The following MXD1 variants were observed in gnomAD, a reference collection of about 807,000 sequenced individuals.
The protein encoded by MXD1 is MAX dimerization protein 1.
MXD1 carries 9 observed loss-of-function variants against 25.7 expected under a neutral mutation model. That is an observed-to-expected ratio of 0.35 (90% CI 0.21 to 0.61). The LOEUF is 0.61. MXD1 is among the 20% of genes least tolerant of loss of function. The probability of loss-of-function intolerance (pLI) is 0.75; values close to 1 mark genes in which losing one functional copy is unlikely to be tolerated. For synonymous variants in MXD1, 99 were observed against 113.9 expected (o/e 0.87, Z 0.83); for missense variants, 227 against 292.4 (o/e 0.78, Z 1.63).
rs1346393806 is a variant in MXD1 at position 69,938,907 on chromosome 2, T to TA, written c.*624dup. On this transcript the variant is annotated 3_prime_UTR_variant, in exon 6 of 6. Transcript: ENST00000264444. The stretch of plus-strand genomic sequence containing the variant: ...TCTCACTTTAAAATGGACACCTTGA[T>TA]AGTGTGTCTCTGGGGTTGCACAGCT... 4 of 152,796 alleles carry TA rather than the reference T, an allele frequency of 2.6e-5. No individual in the cohort carries two copies. The highest frequency in any genetic ancestry group is 9.6e-5 in the African/African-American group (4 of 41,454). 9.5% of individuals were successfully genotyped at this position (152,796 alleles called of 1,614,324 possible). A position where few individuals can be genotyped will look rare whatever the true frequency, so the allele number is the denominator to read the frequency against.
At chr2:69,934,528 T>C (rs1163949663) in intron 3 of MXD1, among the ~76,000 whole-genome samples, 2 of 152,128 alleles carry the variant, frequency 1.3e-5, no homozygotes, top group Non-Finnish European at 2.9e-5. Context: ...AAAAAATGAC[T>C]CAGTAAAAAC....
chr2:69,916,541 A>G (rs1037621765), intron 2 of MXD1: 1 of 194,030 alleles, frequency 5.2e-6, no homozygotes, highest in African/African-American at 2.4e-5. Context: ...TTTTCCCTTC[A>G]GAAGTTGCAG....
intron 3 of MXD1, among the ~76,000 whole-genome samples, chr2:69,923,234 C>G (rs937814088): frequency 7.9e-5 from 12 of 152,162 alleles, no homozygotes; most frequent in African/African-American, 2.4e-4. Flanking sequence ...GCTCTGCACT[C>G]GTATGTTTCA....
intron 4 of MXD1, among the ~76,000 whole-genome samples, chr2:69,936,327 A>AC (rs1397785836): frequency 6.6e-6 from 1 of 151,862 alleles, no homozygotes; most frequent in African/African-American, 2.4e-5. Flanking sequence ...TAGACTATAC[A>AC]CCCCACGAGG....
At chr2:69,927,451 C>T (rs532486044) in intron 3 of MXD1, among the ~76,000 whole-genome samples, 1 of 152,196 alleles carries the variant, frequency 6.6e-6, no homozygotes, top group South Asian at 2.1e-4. Flanking sequence ...GAAGAACTCA[C>T]ATTTGTACCA....
rs899583730 is a variant in MXD1 at position 69,918,743 on chromosome 2, A to C, written c.173+2523A>C. On this transcript the variant is annotated intron_variant, in intron 2 of 5. Transcript: ENST00000264444. ...TTTTTTTTTATTAGAGTGTATTTTT[A>C]AATGGTGAAATTTGACCTTTATCAG... Among the ~76,000 whole-genome samples, 4 of 152,140 alleles carry C rather than the reference A, an allele frequency of 2.6e-5. No individual in the cohort carries two copies. The East Asian group carries it at 7.7e-4, about 29-fold the overall frequency.
chr2:69,937,953 G>A, intron 5 of MXD1, 144 bp from the exon 6 acceptor site: 2 of 710,598 alleles, frequency 2.8e-6, no homozygotes, highest in Non-Finnish European at 4.6e-6. Context: ...CACTGTGTTG[G>A]CCCAGCTGGT....
intron 3 of MXD1, among the ~76,000 whole-genome samples, chr2:69,926,525 A>G (rs1426500633): frequency 6.6e-6 from 1 of 152,156 alleles, no homozygotes; most frequent in Non-Finnish European, 1.5e-5. Context: ...AGGATTTGGT[A>G]TGTGCCTTAA....
intron 3 of MXD1, among the ~76,000 whole-genome samples, chr2:69,934,839 C>G (rs1454963007): frequency 1.3e-5 from 2 of 152,178 alleles, no homozygotes; most frequent in African/African-American, 4.8e-5. Flanking sequence ...CCAGTTCCCT[C>G]CTGGGTGGTC....
intron 3 of MXD1, among the ~76,000 whole-genome samples, chr2:69,926,228 C>A (rs186759299): frequency 2.0e-4 from 30 of 152,246 alleles, no homozygotes; most frequent in Admixed American, 1.8e-3. Flanking sequence ...CAAGTTGCTA[C>A]CTTTGGTGTA....
intron 3 of MXD1, among the ~76,000 whole-genome samples, chr2:69,924,152 TGTGCA>T (rs1270874445): frequency 3.9e-5 from 6 of 152,312 alleles, no homozygotes; most frequent in South Asian, 4.1e-4. Context: ...CCCAGAAAAA[TGTGCA>T]GTTTGTCCAA....
chr2:69,916,456 T>G, intron 2 of MXD1: 1 of 324,968 alleles, frequency 3.1e-6, no homozygotes, highest in East Asian at 6.5e-5. Flanking sequence ...ATTCAAAATT[T>G]AATTTCACTT....
chr2:69,927,164 A>G (rs1677186734), intron 3 of MXD1, among the ~76,000 whole-genome samples: 1 of 152,194 alleles, frequency 6.6e-6, no homozygotes, highest in East Asian at 1.9e-4. Flanking sequence ...GAATATTCTA[A>G]TTGATTACAG....
intron 3 of MXD1, among the ~76,000 whole-genome samples, chr2:69,924,640 A>G (rs923308122): frequency 2.6e-5 from 4 of 152,174 alleles, no homozygotes; most frequent in African/African-American, 9.7e-5. Flanking sequence ...AAATGCTAAT[A>G]TACTTTAGCC....
intron 5 of MXD1, 86 bp downstream of exon 5, chr2:69,937,480 T>C: frequency 2.3e-6 from 3 of 1,326,622 alleles, no homozygotes; most frequent in Non-Finnish European, 3.0e-6. Flanking sequence ...GGAGGCAGAG[T>C]GTAAGAAGAA....
At position 69,934,221 on chromosome 2, in the gene MXD1, T is replaced by C. The variant is rs561304087; in HGVS notation, c.204-1130T>C. Among the ~76,000 whole-genome samples, 4 of 152,296 alleles carry C rather than the reference T, an allele frequency of 2.6e-5. No individual in the cohort carries two copies. In the South Asian group the frequency reaches 8.3e-4, roughly 32 times the overall value. ...CTTCCCAGTGAATAATATAAACAGT[T>C]AAGTGGTGCTTAGAAAATAGAGGAA... On this transcript the variant is annotated intron_variant, in intron 3 of 5. Coordinates refer to ENST00000264444, the MANE Select transcript of MXD1 (RefSeq NM_002357.4).
rs1388919217 is a variant in MXD1 at position 69,941,667 on chromosome 2, C to G, written c.*3383C>G. ...CTCAACCTGAGTTTCCTATGGGCCT[C>G]TCTTCTGCATCCCCAAAGCGGCCAA... is the stretch of plus-strand genomic sequence containing the variant. On this transcript the variant is annotated 3_prime_UTR_variant, in exon 6 of 6. Coordinates refer to ENST00000264444, the MANE Select transcript of MXD1 (RefSeq NM_002357.4). 1 of 152,160 alleles carries G rather than the reference C, an allele frequency of 6.6e-6. No homozygotes were observed. The highest frequency in any genetic ancestry group is 1.5e-5 in the Non-Finnish European group (1 of 68,030). The allele number at this position is 152,160 out of a possible 1,614,324, so 9.4% of individuals were successfully genotyped here.
intron 3 of MXD1, among the ~76,000 whole-genome samples, chr2:69,933,658 A>G (rs1306855456): frequency 6.6e-6 from 1 of 152,194 alleles, no homozygotes; most frequent in Non-Finnish European, 1.5e-5. Context: ...AAGGAAGTCT[A>G]ATGCCTTGCT....
intron 5 of MXD1, 95 bp from the exon 6 acceptor site, chr2:69,938,002 C>A: frequency 8.2e-7 from 1 of 1,219,830 alleles, no homozygotes; most frequent in Non-Finnish European, 1.2e-6. Flanking sequence ...CCGCCTTTGC[C>A]TCCCAAAGTG....
Sources: allele counts gnomAD v4.1 joint callset (sites outside exome capture counted in the v4.1 genomes callset), GRCh38; gene constraint gnomAD v4.1.1; transcripts MANE v1.5; gene names NCBI Gene and HGNC (gene_info 2026-07-23, HGNC 2026-07-21).